HTT: variants seen among roughly 807,000 people sequenced by gnomAD.
The protein encoded by HTT is huntington disease protein.
In HTT, 104 loss-of-function variants were observed where a neutral mutation model predicts 362.3. The observed-to-expected ratio is 0.29, with a 90% CI of 0.24 to 0.34. The LOEUF is 0.34. HTT is among the 10% of genes least tolerant of loss of function. HTT has a pLI of 1.00. For missense variants in HTT, 3,301 were observed against 3,928.6 expected (o/e 0.84, Z 4.27); for synonymous variants, 1,577 against 1,548.7 (o/e 1.02, Z -0.43).
intron 1 of HTT, among the ~76,000 whole-genome samples, chr4:3,075,680 T>C (rs189607157): frequency 3.9e-4 from 56 of 142,918 alleles, no homozygotes; most frequent in African/African-American, 1.4e-3. Flanking sequence ...GCGCGTCCAA[T>C]GGGAGATTTC....
chr4:3,139,358 C>T (rs1207014753), intron 21 of HTT, among the ~76,000 whole-genome samples: 7 of 152,178 alleles, frequency 4.6e-5, no homozygotes, highest in Admixed American at 2.6e-4. Context: ...CCACCATGCC[C>T]GGCTAATTTT....
At chr4:3,110,659 C>T (rs1185499680) in intron 6 of HTT, among the ~76,000 whole-genome samples, 3 of 152,132 alleles carry the variant, frequency 2.0e-5, no homozygotes, top group African/African-American at 7.2e-5. Context: ...GGGTAGAAAT[C>T]ATTTTCCCTC....
At chr4:3,126,553 T>C (rs192221073) in intron 11 of HTT, among the ~76,000 whole-genome samples, 1 of 151,532 alleles carries the variant, frequency 6.6e-6, no homozygotes, top group East Asian at 1.9e-4. Context: ...AATTATTTAT[T>C]TACAAAATAA....
intron 1 of HTT, among the ~76,000 whole-genome samples, chr4:3,078,025 G>A (rs1367161190): frequency 6.6e-6 from 1 of 152,166 alleles, no homozygotes; most frequent in Non-Finnish European, 1.5e-5. Context: ...GTGGTGTCAC[G>A]CCATGCATGG....
intron 23 of HTT, 82 bp from the exon 24 acceptor site, chr4:3,145,070 T>G: frequency 9.4e-7 from 1 of 1,059,316 alleles, no homozygotes; most frequent in Non-Finnish European, 1.5e-6. Context: ...TTGTTTGTAC[T>G]TTTTATAAAG....
In HTT at chr4:3,103,308, TC is replaced by T. The variant is rs1324312732; in HGVS notation, c.469-514del. On this transcript the variant is annotated intron_variant, in intron 3 of 66. Coordinates refer to ENST00000355072, the MANE Select transcript of HTT (RefSeq NM_001388492.1). The stretch of plus-strand genomic sequence containing the variant: ...GGCGTGATCTTGGCTCACTGCAACC[TC>T]CGCCTCCCGGGTTCAAACTATTCTC... Among the ~76,000 whole-genome samples, 5 of 141,182 alleles carry T rather than the reference TC, an allele frequency of 3.5e-5. No homozygotes were observed. The South Asian group carries it at 6.9e-4, about 19-fold the overall frequency. 92.6% of individuals were successfully genotyped at this position (141,182 alleles called of 152,430 possible). A position where few individuals can be genotyped will look rare whatever the true frequency, so the allele number is the denominator to read the frequency against.
intron 61 of HTT, 39 bp downstream of exon 61, chr4:3,233,392 A>C (rs1191124277): frequency 6.4e-7 from 1 of 1,558,064 alleles, no homozygotes; most frequent in African/African-American, 1.3e-5. Flanking sequence ...CGGGGGTCTC[A>C]GAATGAGCTG....
chr4:3,157,246 C>T (rs1299546906), intron 28 of HTT, 47 bp downstream of exon 28: 27 of 1,521,478 alleles, frequency 1.8e-5, no homozygotes, highest in South Asian at 5.9e-5. Context: ...CACATACTTA[C>T]GTCTAATGGA....
chr4:3,242,459 G>A lies in HTT; in HGVS notation c.*2400G>A, dbSNP rs556768869. On this transcript the variant is annotated 3_prime_UTR_variant, in exon 67 of 67. Transcript: ENST00000355072. Reference sequence around the variant, plus strand: ...ACACCTCTCAAGACGGAGATGCATGGCCTCTAAGAGTGCCCGTGTCGGTTC... The same window carrying A: ...ACACCTCTCAAGACGGAGATGCATGACCTCTAAGAGTGCCCGTGTCGGTTC... 5 of 152,314 alleles carry A rather than the reference G, an allele frequency of 3.3e-5. No homozygotes were observed. Among genetic ancestry groups the A allele is most frequent in the African/African-American group, 1.2e-4 (5 of 41,566 alleles). 9.4% of individuals were successfully genotyped at this position (152,314 alleles called of 1,614,324 possible).
Position 3,224,061 on chromosome 4 carries a change from A to G in HTT, c.7695A>G (p.Arg2565=). ...AGATTCAAGCAATGGTTTCAAAGAG[A>G]GAGAATATTGCCACCCATCATTTAT... The part of the protein sequence containing the change: ...EQEIQAMVSK[R]ENIATHHLYQ... Residue 2565 remains arginine, a synonymous_variant, in exon 56 of 67, where the codon AGA becomes AGG. Transcript: ENST00000355072. The G allele has an allele frequency of 1.9e-6, 3 of 1,613,930 alleles. No individual in the cohort carries two copies. Among genetic ancestry groups the G allele is most frequent in the Non-Finnish European group, 2.5e-6 (3 of 1,179,808 alleles).
At chr4:3,166,245 T>C (rs1560576358) in intron 29 of HTT, among the ~76,000 whole-genome samples, 2 of 152,232 alleles carry the variant, frequency 1.3e-5, no homozygotes, top group Non-Finnish European at 2.9e-5. Context: ...CAGCAGAGGC[T>C]GCAGAACAGC....
At position 3,218,870 on chromosome 4, in the gene HTT, G is replaced by A. The variant is rs1469544440; in HGVS notation, c.7242+918G>A. Among the ~76,000 whole-genome samples, 3 of 152,128 alleles carry A rather than the reference G, an allele frequency of 2.0e-5. No individual in the cohort carries two copies. Among genetic ancestry groups the A allele is most frequent in the Admixed American group, 2.0e-4 (3 of 15,280 alleles). ...GGTGTGAGCCAGCAGGTGTAGGTCAGGGAGAATGGAGCCAGGTCCCAGGGA... is the reference window on the plus strand; with the variant it reads ...GGTGTGAGCCAGCAGGTGTAGGTCAAGGAGAATGGAGCCAGGTCCCAGGGA... On this transcript the variant is annotated intron_variant, in intron 52 of 66. Coordinates refer to ENST00000355072, the MANE Select transcript of HTT (RefSeq NM_001388492.1). The surrounding 1 kb of genome is among the most constrained non-coding windows in gnomAD (Gnocchi z 4.4).
intron 36 of HTT, 71 bp from the exon 37 acceptor site, chr4:3,182,283 A>C (rs1718560806): frequency 1.1e-6 from 1 of 932,458 alleles, no homozygotes; most frequent in East Asian, 2.4e-5. Context: ...GGACAAGTAT[A>C]ACAGACGGAC....
intron 22 of HTT, 134 bp downstream of exon 22, chr4:3,140,790 C>A: frequency 1.3e-6 from 1 of 755,018 alleles, no homozygotes; most frequent in Non-Finnish European, 2.1e-6. Context: ...GTAGGTCAGT[C>A]CTTTGATAGG....
In HTT at chr4:3,215,144, A is replaced by G. The variant is rs1295946045; in HGVS notation, c.6987A>G (p.Pro2329=). 3.1e-6 allele frequency: 5 copies of G among 1,614,156 alleles called. No individual in the cohort carries two copies. The highest frequency in any genetic ancestry group is 2.7e-5 in the African/African-American group (2 of 75,072). The change falls in exon 51 of 67, where the codon CCA becomes CCG. Residue 2329 remains proline, a synonymous_variant. Coordinates refer to ENST00000355072, the MANE Select transcript of HTT (RefSeq NM_001388492.1). ...AGCCTGGAGAGCAGCTTCTTAGTCC[A>G]GAAAGAAGGACAAATACCCCAAAAG... ...AVQPGEQLLS[P]ERRTNTPKAI...
At position 3,074,932 on chromosome 4, in the gene HTT, A is replaced by ACC. The variant is rs1491040170; in HGVS notation, c.107_108insCC (p.Gln36HisfsTer66). 60 of 1,283,220 alleles carry ACC rather than the reference A, an allele frequency of 4.7e-5. No individual in the cohort carries two copies. Among genetic ancestry groups the ACC allele is most frequent in the Middle Eastern group, 2.6e-4 (1 of 3,888 alleles). 79.5% of individuals were successfully genotyped at this position (1,283,220 alleles called of 1,614,324 possible). A position where few individuals can be genotyped will look rare whatever the true frequency, so the allele number is the denominator to read the frequency against. On this transcript the variant is annotated frameshift_variant, in exon 1 of 67. Transcript: ENST00000355072. LOFTEE classifies it high-confidence loss of function. ...CAGCAGCAGCAGCAGCAGCAGCAGC[A>ACC]GCAACAGCCGCCACCGCCGCCGCCG... is the stretch of plus-strand genomic sequence containing the variant.
chr4:3,214,594 CA>C (rs1328146013), intron 50 of HTT, among the ~76,000 whole-genome samples: 1 of 152,172 alleles, frequency 6.6e-6, no homozygotes, highest in East Asian at 1.9e-4. Flanking sequence ...GTATCCTCAA[CA>C]AGGGTCATTA....
chr4:3,118,734 G>T (rs975862987), intron 8 of HTT, among the ~76,000 whole-genome samples: 1 of 152,200 alleles, frequency 6.6e-6, no homozygotes, highest in South Asian at 2.1e-4. Flanking sequence ...GGGGAAAAAA[G>T]GGTATGGATG....
At chr4:3,143,496 GTAT>G in intron 23 of HTT, among the ~76,000 whole-genome samples, 1 of 151,210 alleles carries the variant, frequency 6.6e-6, no homozygotes, top group South Asian at 2.1e-4. Flanking sequence ...CATTGGTAAT[GTAT>G]CAGAAGTTTA....
Sources: gnomAD v4.1 joint callset for allele counts (sites outside exome capture counted in the v4.1 genomes callset) on GRCh38, gnomAD v4.1.1 for gene constraint, Gnocchi (gnomAD v3.1) non-coding constraint, MANE v1.5 for transcripts, NCBI Gene and HGNC (gene_info 2026-07-23, HGNC 2026-07-21) for gene names.